The following SOX5 variants were observed in gnomAD, a reference collection of about 807,000 sequenced individuals.
SOX5 encodes transcription factor SOX-5.
A neutral mutation model predicts 92.0 loss-of-function variants in SOX5; 9 were observed. The observed-to-expected ratio is 0.10, with a 90% CI of 0.06 to 0.17. The LOEUF is 0.17. Ranked by LOEUF, SOX5 falls within the 10% of genes least tolerant of loss-of-function variation. SOX5 has a pLI of 1.00. For synonymous variants in SOX5, 344 were observed against 336.3 expected (o/e 1.02, Z -0.25); for missense variants, 642 against 944.5 (o/e 0.68, Z 4.20).
At chr12:23,716,275 T>C (rs539817951) in intron 6 of SOX5, among the ~76,000 whole-genome samples, 56 of 152,214 alleles carry the variant, frequency 3.7e-4, no homozygotes, top group Non-Finnish European at 3.8e-4. Context: ...TAGCATTCAT[T>C]ATTAACAGAG....
intron 3 of SOX5, among the ~76,000 whole-genome samples, chr12:23,779,814 TACACACAC>T (rs1555337311): frequency 1.8e-5 from 2 of 110,812 alleles, no homozygotes; most frequent in African/African-American, 7.4e-5. Context: ...TATATATATA[TACACACAC>T]ACACACACAC....
At chr12:23,758,486 A>T (rs370715318) in intron 3 of SOX5, among the ~76,000 whole-genome samples, 40 of 152,022 alleles carry the variant, frequency 2.6e-4, no homozygotes, top group African/African-American at 7.9e-4. Context: ...GCAAGGTACC[A>T]GGTCCTTCAC....
chr12:23,633,782 T>C (rs2078861230), intron 8 of SOX5, among the ~76,000 whole-genome samples: 1 of 152,174 alleles, frequency 6.6e-6, no homozygotes, highest in Non-Finnish European at 1.5e-5. Context: ...GTACCTCCAG[T>C]AGTTCATATT....
In SOX5 at chr12:23,570,965, ATATATATATATATATATATT is replaced by A. The variant is rs1565916122; in HGVS notation, c.1342+4676_1342+4695del. Among the ~76,000 whole-genome samples, 8 of 68,646 alleles carry A rather than the reference ATATATATATATATATATATT, an allele frequency of 1.2e-4. No individual in the cohort carries two copies. The South Asian group carries it at 1.6e-3, about 13-fold the overall frequency. The allele number at this position is 68,646 out of a possible 152,430, so 45.0% of individuals were successfully genotyped here. On this transcript the variant is annotated intron_variant, in intron 10 of 14. Coordinates refer to ENST00000451604, the MANE Select transcript of SOX5 (RefSeq NM_006940.6). Reference sequence around the variant, plus strand: ...TATATATATATATATATATATATATATATATATATATATATATATTTTCATATTTTTGTATTTTTGGTGGT... The same window carrying A: ...TATATATATATATATATATATATATATTCATATTTTTGTATTTTTGGTGGT...
chr12:24,280,354 C>T (rs547084126), intron 2 of SOX5, among the ~76,000 whole-genome samples: 1 of 152,250 alleles, frequency 6.6e-6, no homozygotes, highest in Non-Finnish European at 1.5e-5. Context: ...ACGCAGGTAG[C>T]TTCAAAGATG....
intron 10 of SOX5, among the ~76,000 whole-genome samples, chr12:23,568,146 T>G (rs911148738): frequency 6.6e-6 from 1 of 152,092 alleles, no homozygotes; most frequent in Non-Finnish European, 1.5e-5. Flanking sequence ...GGTTGCCTTA[T>G]AAGAGGAGAG....
At chr12:24,424,448 TGTTA>T (rs1966398406) in intron 1 of SOX5, among the ~76,000 whole-genome samples, 1 of 152,154 alleles carries the variant, frequency 6.6e-6, no homozygotes, top group Admixed American at 6.5e-5. Context: ...TTGCCATAAT[TGTTA>T]GTTTTTATGG....
chr12:24,356,059 G>T (rs989388233), intron 2 of SOX5, among the ~76,000 whole-genome samples: 6 of 152,024 alleles, frequency 3.9e-5, no homozygotes, highest in African/African-American at 1.2e-4. Flanking sequence ...ACATAAAAGT[G>T]GACATTTTTA....
chr12:24,423,843 G>A (rs1199966379), intron 1 of SOX5, among the ~76,000 whole-genome samples: 3 of 152,158 alleles, frequency 2.0e-5, no homozygotes, highest in Non-Finnish European at 4.4e-5. Flanking sequence ...TAGGAGGTCT[G>A]CTAGCCCAAA....
chr12:23,854,348 A>C (rs2096665315), intron 2 of SOX5, among the ~76,000 whole-genome samples: 1 of 152,130 alleles, frequency 6.6e-6, no homozygotes, highest in Admixed American at 6.6e-5. Context: ...GCAGCAAAGC[A>C]GTATAAAGCA....
rs142173078 is a variant in SOX5, at chr12:24,147,583, T to C, written c.-2+65760A>G. 1.8e-3 allele frequency among the ~76,000 whole-genome samples: 274 copies of C among 152,262 alleles called. 2 individuals are homozygous for C. Among genetic ancestry groups the C allele is most frequent in the African/African-American group, 6.3e-3 (261 of 41,562 alleles). On this transcript the variant is annotated intron_variant, in intron 4 of 4. Transcript: ENST00000446891. ...GTATGGGAGTGCAATAAAGCAAGAA[T>C]AAGCACTAAAAGGCAACTATACGTG...
chr12:24,223,166 CTGAT>C (rs1314762313), intron 3 of SOX5: 1 of 152,154 alleles, frequency 6.6e-6, no homozygotes, highest in Non-Finnish European at 1.5e-5. Flanking sequence ...ACACAATAAA[CTGAT>C]TGATACAAAC....
chr12:23,935,844 A>G (rs1942427054), intron 1 of SOX5, among the ~76,000 whole-genome samples: 1 of 151,236 alleles, frequency 6.6e-6, no homozygotes, highest in Admixed American at 6.6e-5. Context: ...TGCCACTAAA[A>G]TAAATAACAG....
intron 7 of SOX5, among the ~76,000 whole-genome samples, chr12:23,650,896 T>C (rs1049236650): frequency 6.6e-5 from 10 of 152,044 alleles, no homozygotes; most frequent in African/African-American, 2.4e-4. Context: ...CATAGAACGA[T>C]TGGAAGAAGG....
chr12:24,535,015 A>T (rs915849875), intron 1 of SOX5, among the ~76,000 whole-genome samples: 4 of 152,224 alleles, frequency 2.6e-5, no homozygotes, highest in African/African-American at 4.8e-5. Flanking sequence ...AGGTTTTCCC[A>T]TCCCTTTACC....
Position 23,532,282 on chromosome 12 carries a change from T to C in SOX5, c.*1937A>G, listed in dbSNP as rs542804655. 6.6e-6 allele frequency: 1 copy of C among 152,100 alleles called. No individual in the cohort carries two copies. Among genetic ancestry groups the C allele is most frequent in the African/African-American group, 2.4e-5 (1 of 41,482 alleles). The allele number at this position is 152,100 out of a possible 1,614,324, so 9.4% of individuals were successfully genotyped here. On this transcript the variant is annotated 3_prime_UTR_variant, in exon 15 of 15. Transcript: ENST00000451604. ...AAGCAAAACCCCAGAGCAAGTCTTC[T>C]GAGAGAGAGAAAAATAAAAGGGATT... is the stretch of plus-strand genomic sequence containing the variant.
rs112084297 is a variant in SOX5 at position 23,740,037 on chromosome 12, A to G, written c.741+830T>C. Among the ~76,000 whole-genome samples, 47 of 152,302 alleles carry G rather than the reference A, an allele frequency of 3.1e-4. 1 individual carries two copies. The highest frequency in any genetic ancestry group is 1.1e-3 in the African/African-American group (47 of 41,568). The stretch of plus-strand genomic sequence containing the variant: ...GGCACATAAGAAGCACTAGATTACT[A>G]TTAGTCAAATAAATGAATGAATGTT... On this transcript the variant is annotated intron_variant, in intron 5 of 14. Transcript: ENST00000451604.
intron 1 of SOX5, among the ~76,000 whole-genome samples, chr12:24,464,886 G>A (rs974763893): frequency 2.0e-5 from 3 of 152,238 alleles, no homozygotes; most frequent in Admixed American, 1.3e-4. Context: ...TAAGGAGTAT[G>A]GAAAAGCTCC....
At chr12:23,990,734 G>T (rs185294099) in intron 4 of SOX5, among the ~76,000 whole-genome samples, 7 of 152,072 alleles carry the variant, frequency 4.6e-5, no homozygotes, top group Non-Finnish European at 8.8e-5. Context: ...TGAGGGAACA[G>T]ACATTGTCTA....
Sources: allele counts gnomAD v4.1 joint callset (sites outside exome capture counted in the v4.1 genomes callset), GRCh38; gene constraint gnomAD v4.1.1; transcripts MANE v1.5; gene names NCBI Gene and HGNC (gene_info 2026-07-23, HGNC 2026-07-21).